Variants in NADK observed in about 807,000 individuals in gnomAD.
NADK encodes the protein poly(P)/ATP NAD kinase.
In NADK, 22 loss-of-function variants were observed where a neutral mutation model predicts 49.8. That is an observed-to-expected ratio of 0.44 (90% CI 0.32 to 0.63). NADK has a LOEUF of 0.63. Ranked by LOEUF, NADK falls within the 30% of genes least tolerant of loss-of-function variation. NADK has a pLI of 0.06. For missense variants in NADK, 438 were observed against 609.4 expected (o/e 0.72, Z 2.96); for synonymous variants, 268 against 253.7 (o/e 1.06, Z -0.54).
upstream of NADK, chr1:1,780,072 T>C (rs1646325534): frequency 6.6e-6 from 1 of 152,276 alleles, no homozygotes; most frequent in Non-Finnish European, 1.5e-5. Context: ...GGGGATTTCT[T>C]AAGCTCTGTA....
chr1:1,756,115 A>G, intron 6 of NADK, 143 bp downstream of exon 6: 2 of 775,992 alleles, frequency 2.6e-6, no homozygotes, highest in Non-Finnish European at 4.4e-6. Context: ...CCGGGCTGCC[A>G]CCATGGGCCT....
intron 11 of NADK, among the ~76,000 whole-genome samples, 158 bp downstream of exon 11, chr1:1,753,409 C>T (rs1261117649): frequency 2.6e-5 from 4 of 152,184 alleles, no homozygotes; most frequent in South Asian, 2.1e-4. Flanking sequence ...GCCCCCAGGA[C>T]GGGTGCCCCG....
intron 1 of NADK, among the ~76,000 whole-genome samples, chr1:1,771,775 G>A (rs1364281202): frequency 6.6e-6 from 1 of 151,896 alleles, no homozygotes; most frequent in Non-Finnish European, 1.5e-5. Context: ...CTAAAACTAT[G>A]AAACTTTTTA....
At position 1,756,586 on chromosome 1, in the gene NADK, T is replaced by C; in HGVS notation, c.416A>G (p.Glu139Gly). The change falls in exon 5 of 12, where the codon GAA becomes GGA. Residue 139 changes from glutamate (E) to glycine (G), a missense_variant. Physicochemically the swap from Glu to Gly is moderately conservative, Grantham distance 98. Transcript: ENST00000341426. ...LMEENMIVYV[E>G]KKVLEDPAIA... ...GGCAGGGTCTTCTAGCACTTTCTTT[T>C]CCACATACACGATCATGTTCTCCTG... The C allele has an allele frequency of 6.2e-7, 1 of 1,614,088 alleles. No individual in the cohort carries two copies. Among genetic ancestry groups the C allele is most frequent in the South Asian group, 1.1e-5 (1 of 91,088 alleles).
Position 1,754,814 on chromosome 1 carries a change from C to A in NADK, c.689-116G>T. On this transcript the variant is annotated intron_variant, in intron 7 of 11. Transcript: ENST00000341426. This position sits in a 1 kb window ranked among gnomAD's most constrained non-coding sequence, Gnocchi z 4.3. ...CTCTTTCTTCTCCCAAGTTGACACACTTCTGTGCCTTTTTCTTTTTATTTT... is the reference window on the plus strand; with the variant it reads ...CTCTTTCTTCTCCCAAGTTGACACAATTCTGTGCCTTTTTCTTTTTATTTT... 1 of 939,668 alleles carries A rather than the reference C, an allele frequency of 1.1e-6. No individual in the cohort carries two copies. The highest frequency in any genetic ancestry group is 1.6e-6 in the Non-Finnish European group (1 of 630,062). 58.2% of individuals were successfully genotyped at this position (939,668 alleles called of 1,614,324 possible). A position where few individuals can be genotyped will look rare whatever the true frequency, so the allele number is the denominator to read the frequency against.
intron 2 of NADK, among the ~76,000 whole-genome samples, chr1:1,763,175 C>T (rs1645780385): frequency 6.6e-6 from 1 of 152,222 alleles, no homozygotes; most frequent in South Asian, 2.1e-4. Context: ...ACTTGTTTAC[C>T]TCAGCCTTTT....
At chr1:1,759,028 G>A (rs1297421707) in intron 3 of NADK, 1 of 1,442,850 alleles carries the variant, frequency 6.9e-7, no homozygotes, top group South Asian at 1.5e-5. Context: ...CGGTCCTCCG[G>A]CCTGGTCAGC....
intron 3 of NADK, 59 bp downstream of exon 3, chr1:1,761,893 G>T: frequency 1.3e-6 from 2 of 1,528,282 alleles, no homozygotes; most frequent in South Asian, 1.1e-5. Flanking sequence ...GCACTCACAT[G>T]ATGGTCTAGG....
rs146677804 is a variant in NADK, at chr1:1,772,200, G to A, written c.-41+6089C>T. 7.6e-3 allele frequency among the ~76,000 whole-genome samples: 1,084 copies of A among 142,044 alleles called. 7 individuals carry two copies. The highest frequency in any genetic ancestry group is 0.013 in the Non-Finnish European group (819 of 65,280). 93.2% of individuals were successfully genotyped at this position (142,044 alleles called of 152,430 possible). A position where few individuals can be genotyped will look rare whatever the true frequency, so the allele number is the denominator to read the frequency against. On this transcript the variant is annotated intron_variant, in intron 1 of 11. Coordinates refer to ENST00000341426, the MANE Select transcript of NADK (RefSeq NM_023018.5). ...CCTGTTTTAGGCAGGGTCTTACTCT[G>A]TCCCCAGGCTGGAGTACAGTGATGT...
chr1:1,767,071 C>A (rs561535815), intron 1 of NADK, among the ~76,000 whole-genome samples: 1 of 152,146 alleles, frequency 6.6e-6, no homozygotes, highest in African/African-American at 2.4e-5. Context: ...TGCGCCACCA[C>A]GCTCAGCTAA....
chr1:1,757,134 C>T lies in NADK; in HGVS notation c.393+47G>A, dbSNP rs755053998. The T allele has an allele frequency of 3.2e-5, 49 of 1,547,052 alleles. No individual in the cohort carries two copies. The African/African-American group carries it at 4.2e-4, about 13-fold the overall frequency. On this transcript the variant is annotated intron_variant, in intron 4 of 11. Coordinates refer to ENST00000341426, the MANE Select transcript of NADK (RefSeq NM_023018.5). ...GGCGGTGATGTGGATGGAGGCCCCC[C>T]CAACTCCATGTGCACCCCAGGCCCC...
intron 3 of NADK, 123 bp from the exon 4 acceptor site, chr1:1,757,433 C>A: frequency 3.5e-6 from 3 of 865,138 alleles, no homozygotes; most frequent in Non-Finnish European, 5.4e-6. Context: ...GGGAAACGTG[C>A]TCGGTGGCCA....
chr1:1,758,377 T>A, intron 3 of NADK: 17 of 1,610,258 alleles, frequency 1.1e-5, no homozygotes, highest in Non-Finnish European at 1.4e-5. Context: ...TGTGCAGGCA[T>A]TACTGGGAGG....
In NADK at chr1:1,754,853, ACT is replaced by A. The variant is rs1645459948; in HGVS notation, c.689-157_689-156del. The A allele has an allele frequency of 4.4e-6, 3 of 683,328 alleles. No individual in the cohort carries two copies. The African/African-American group carries it at 5.5e-5, about 12-fold the overall frequency. 42.3% of individuals were successfully genotyped at this position (683,328 alleles called of 1,614,324 possible). On this transcript the variant is annotated intron_variant, in intron 7 of 11. Coordinates refer to ENST00000341426, the MANE Select transcript of NADK (RefSeq NM_023018.5). This position sits in a 1 kb window ranked among gnomAD's most constrained non-coding sequence, Gnocchi z 4.3. ...TCTTTTTATTTTGAGATGGAGTCTCACTCTGTCACCCAGGCTGGAATGCAGTG... is the reference window on the plus strand; with the variant it reads ...TCTTTTTATTTTGAGATGGAGTCTCACTGTCACCCAGGCTGGAATGCAGTG...
intron 1 of NADK, among the ~76,000 whole-genome samples, chr1:1,771,055 A>AAATAT (rs771570019): frequency 9.1e-5 from 12 of 132,094 alleles, no homozygotes; most frequent in African/African-American, 3.4e-4. Flanking sequence ...AAAAAAAAAA[A>AAATAT]ATATATATAT....
At chr1:1,753,968 A>G in intron 10 of NADK, 83 bp downstream of exon 10, 1 of 1,480,612 alleles carries the variant, frequency 6.8e-7, no homozygotes, top group Non-Finnish European at 9.0e-7. Flanking sequence ...CCAGCATGGC[A>G]GAGCGGGGTG....
intron 1 of NADK, among the ~76,000 whole-genome samples, chr1:1,766,668 C>G (rs35086222): frequency 1.3e-5 from 2 of 151,060 alleles, no homozygotes; most frequent in African/African-American, 4.9e-5. Flanking sequence ...AAACCTCACC[C>G]TTTTTTCCCC....
At chr1:1,768,101 G>A (rs1280915581) in intron 1 of NADK, among the ~76,000 whole-genome samples, 2 of 151,464 alleles carry the variant, frequency 1.3e-5, no homozygotes, top group East Asian at 3.9e-4. Flanking sequence ...AACCCAGGAG[G>A]CAGAGGTTGC....
intron 1 of NADK, among the ~76,000 whole-genome samples, chr1:1,775,422 A>G (rs973633872): frequency 6.6e-6 from 1 of 152,238 alleles, no homozygotes; most frequent in African/African-American, 2.4e-5. Context: ...ACTGCCCACT[A>G]AATTACCCAT....
Sources: gnomAD v4.1 joint callset for allele counts (sites outside exome capture counted in the v4.1 genomes callset) on GRCh38, gnomAD v4.1.1 for gene constraint, Gnocchi (gnomAD v3.1) non-coding constraint, MANE v1.5 for transcripts, NCBI Gene and HGNC (gene_info 2026-07-23, HGNC 2026-07-21) for gene names.